EXOC2: variants seen among roughly 807,000 people sequenced by gnomAD.
The protein encoded by EXOC2 is exocyst complex component 2.
A neutral mutation model predicts 131.8 loss-of-function variants in EXOC2; 70 were observed. The observed-to-expected ratio is 0.53, with a 90% confidence interval of 0.44 to 0.65. EXOC2 has a LOEUF of 0.65. Ranked by LOEUF, EXOC2 falls within the 30% of genes least tolerant of loss-of-function variation. The pLI, the probability that EXOC2 is intolerant of heterozygous loss-of-function variation, is 0.00. For missense variants in EXOC2, 923 were observed against 1,108.6 expected (o/e 0.83, Z 2.38); for synonymous variants, 411 against 398.4 (o/e 1.03, Z -0.38).
At chr6:564,179 A>G in intron 15 of EXOC2, 25 bp from the exon 16 acceptor site, 1 of 1,611,792 alleles carries the variant, frequency 6.2e-7, no homozygotes, top group Admixed American at 1.7e-5. Context: ...ATCCAAACAG[A>G]AGTGAGCAGA....
rs1581522815 is a variant in EXOC2 at position 597,880 on chromosome 6, C to A, written c.1073+141G>T. The A allele has an allele frequency of 1.0e-5, 6 of 600,054 alleles. No homozygotes were observed. The East Asian group carries it at 1.4e-4, about 14-fold the overall frequency. The allele number at this position is 600,054 out of a possible 1,614,324, so 37.2% of individuals were successfully genotyped here. A position where few individuals can be genotyped will look rare whatever the true frequency, so the allele number is the denominator to read the frequency against. On this transcript the variant is annotated intron_variant, in intron 10 of 27. Coordinates refer to ENST00000230449, the MANE Select transcript of EXOC2 (RefSeq NM_018303.6). ...AATTTTGATGTCCTACGCCAGATAA[C>A]CCTAAATTTCTGCTATTTGTCTTCC...
intron 6 of EXOC2, among the ~76,000 whole-genome samples, chr6:612,113 T>C (rs1202102890): frequency 6.6e-6 from 1 of 152,204 alleles, no homozygotes; most frequent in Non-Finnish European, 1.5e-5. Context: ...CTCTAACCAA[T>C]CTATGTTAAT....
At chr6:573,462 C>T (rs996089307) in intron 12 of EXOC2, among the ~76,000 whole-genome samples, 8 of 152,128 alleles carry the variant, frequency 5.3e-5, no homozygotes, top group African/African-American at 1.7e-4. Context: ...GAGTCCACCC[C>T]GTCCAGTCCT....
intron 1 of EXOC2, among the ~76,000 whole-genome samples, chr6:676,066 G>C (rs1205913657): frequency 1.1e-5 from 1 of 88,690 alleles, no homozygotes; most frequent in Non-Finnish European, 2.3e-5. Flanking sequence ...GAAAGGACAG[G>C]TTCCTCTGGC....
chr6:499,430 A>C lies in EXOC2; in HGVS notation c.2436+215T>G, dbSNP rs1017492132. ...AATTTCAGAGAAAGACTCACAGTTA[A>C]ACACACACACACACACACACACACA... On this transcript the variant is annotated intron_variant, in intron 24 of 27. Transcript: ENST00000230449. 9.2e-5 allele frequency among the ~76,000 whole-genome samples: 13 copies of C among 141,742 alleles called. No individual in the cohort carries two copies. The East Asian group carries it at 2.3e-3, about 25-fold the overall frequency. The allele number at this position is 141,742 out of a possible 152,430, so 93.0% of individuals were successfully genotyped here.
At chr6:545,626 T>G (rs1756808255) in intron 22 of EXOC2, among the ~76,000 whole-genome samples, 1 of 152,168 alleles carries the variant, frequency 6.6e-6, no homozygotes. Context: ...GAATTAAACA[T>G]CGTAATTAAA....
intron 23 of EXOC2, among the ~76,000 whole-genome samples, chr6:515,950 C>T (rs1371233113): frequency 6.6e-6 from 1 of 152,172 alleles, no homozygotes; most frequent in African/African-American, 2.4e-5. Context: ...ACTACCAAGG[C>T]GTATGGTGAC....
At chr6:557,422 G>A (rs561722677) in intron 17 of EXOC2, among the ~76,000 whole-genome samples, 6 of 152,010 alleles carry the variant, frequency 3.9e-5, no homozygotes, top group Non-Finnish European at 7.4e-5. Context: ...GATTGAGACC[G>A]TCCTGGCCAA....
intron 17 of EXOC2, among the ~76,000 whole-genome samples, chr6:561,947 T>C (rs1757722774): frequency 6.6e-6 from 1 of 152,250 alleles, no homozygotes; most frequent in Non-Finnish European, 1.5e-5. Context: ...CGACCTCTGT[T>C]GCCAACAGGG....
Position 633,284 on chromosome 6 carries a change from C to G in EXOC2, c.119-167G>C, listed in dbSNP as rs144887798. Reference sequence around the variant, plus strand: ...TATCTCTATTGACTTTTCCTCTTACCTGTTTTTTTCTCCAATATTTAAGAC... The same window carrying G: ...TATCTCTATTGACTTTTCCTCTTACGTGTTTTTTTCTCCAATATTTAAGAC... On this transcript the variant is annotated intron_variant, in intron 2 of 27. Coordinates refer to ENST00000230449, the MANE Select transcript of EXOC2 (RefSeq NM_018303.6). Among the ~76,000 whole-genome samples the G allele has an allele frequency of 1.9e-3, 287 of 152,246 alleles. 1 individual carries two copies. The highest frequency in any genetic ancestry group is 6.3e-3 in the African/African-American group (260 of 41,536).
chr6:624,703 T>G (rs1419186099), intron 4 of EXOC2, among the ~76,000 whole-genome samples: 1 of 152,138 alleles, frequency 6.6e-6, no homozygotes, highest in Non-Finnish European at 1.5e-5. Context: ...AAGATGACAA[T>G]GCAGGAGAGT....
At chr6:545,153 C>CAAAAAAAAAAAAAAAAAAAAAAAAAA (rs36051866) in intron 22 of EXOC2, among the ~76,000 whole-genome samples, 1 of 85,494 alleles carries the variant, frequency 1.2e-5, no homozygotes, top group Non-Finnish European at 2.1e-5. Context: ...GACTCCGTCT[C>CAAAAAAAAAAAAAAAAAAAAAAAAAA]AAAAAAAAAA....
chr6:672,980 C>CT (rs1405991067), intron 1 of EXOC2, among the ~76,000 whole-genome samples: 2 of 152,142 alleles, frequency 1.3e-5, no homozygotes, highest in Non-Finnish European at 2.9e-5. Context: ...AAATTCATGA[C>CT]TGGGCGCGGT....
intron 22 of EXOC2, among the ~76,000 whole-genome samples, chr6:548,513 A>C (rs1756977698): frequency 2.0e-5 from 3 of 152,236 alleles, no homozygotes; most frequent in Admixed American, 2.0e-4. Context: ...AAAAAAATAT[A>C]AACAACAAAG....
intron 1 of EXOC2, chr6:656,586 G>C: frequency 1.3e-6 from 2 of 1,593,680 alleles, no homozygotes; most frequent in Non-Finnish European, 8.5e-7. Flanking sequence ...GCCCAGGGAC[G>C]AGACCAGCTC....
intron 3 of EXOC2, among the ~76,000 whole-genome samples, chr6:631,254 T>G (rs917873583): frequency 6.6e-6 from 1 of 152,186 alleles, no homozygotes; most frequent in Non-Finnish European, 1.5e-5. Context: ...AAGAAAGCTT[T>G]ACTGGCCGGG....
intron 23 of EXOC2, among the ~76,000 whole-genome samples, chr6:504,268 G>A (rs1764398001): frequency 6.6e-6 from 1 of 152,216 alleles, no homozygotes; most frequent in Admixed American, 6.5e-5. Flanking sequence ...TTCCTTAAAT[G>A]GGAGGTCAGA....
intron 1 of EXOC2, among the ~76,000 whole-genome samples, chr6:684,765 T>C (rs1764566872): frequency 6.6e-6 from 1 of 151,948 alleles, no homozygotes; most frequent in Non-Finnish European, 1.5e-5. Flanking sequence ...AGACTAAAAA[T>C]ACACAGAAAA....
At chr6:594,027 G>C (rs930157498) in intron 10 of EXOC2, among the ~76,000 whole-genome samples, 2 of 152,246 alleles carry the variant, frequency 1.3e-5, no homozygotes, top group African/African-American at 4.8e-5. Context: ...AGGTGGCTGA[G>C]AGCTGCCATC....
Sources: gnomAD v4.1 joint callset for allele counts (sites outside exome capture counted in the v4.1 genomes callset) on GRCh38, gnomAD v4.1.1 for gene constraint, MANE v1.5 for transcripts, NCBI Gene and HGNC (gene_info 2026-07-23, HGNC 2026-07-21) for gene names.